The following PARD3B variants were observed in gnomAD, a reference collection of about 807,000 sequenced individuals.
PARD3B encodes par-3 family cell polarity regulator beta, also known as partitioning defective 3 homolog B.
Under a neutral mutation model 130.2 loss-of-function variants are expected in PARD3B, and 103 were observed. That is an observed-to-expected ratio of 0.79 (90% CI 0.67 to 0.93). PARD3B has a LOEUF of 0.93. PARD3B is among the 40% of genes least tolerant of loss of function. The pLI is 0.00. For missense variants in PARD3B, 1,609 were observed against 1,499.2 expected (o/e 1.07, Z -1.21); for synonymous variants, 583 against 553.2 (o/e 1.05, Z -0.76).
In PARD3B at chr2:204,985,014, C is replaced by T. The variant is rs568337764; in HGVS notation, c.394+19691C>T. ...AGCTCTCACAAAATCTTCTCTACCA[C>T]GTTTGGCACGTCTAATAATGATTAT... On this transcript the variant is annotated intron_variant, in intron 3 of 22. Coordinates refer to ENST00000406610, the MANE Select transcript of PARD3B (RefSeq NM_001302769.2). Among the ~76,000 whole-genome samples, 6 of 151,850 alleles carry T rather than the reference C, an allele frequency of 4.0e-5. No individual in the cohort carries two copies. In the South Asian group the frequency reaches 1.0e-3, roughly 26 times the overall value.
intron 1 of PARD3B, among the ~76,000 whole-genome samples, chr2:204,684,438 A>G (rs1372469804): frequency 1.3e-5 from 2 of 152,232 alleles, no homozygotes; most frequent in African/African-American, 2.4e-5. Context: ...CAAGGAATAA[A>G]TAATACTTAA....
intron 2 of PARD3B, among the ~76,000 whole-genome samples, chr2:204,703,535 C>G (rs146652996): frequency 6.6e-6 from 1 of 152,170 alleles, no homozygotes; most frequent in Non-Finnish European, 1.5e-5. Context: ...TGTAGAGTTG[C>G]CATGCATTAT....
chr2:205,163,246 G>A lies in PARD3B; in HGVS notation c.1620+4339G>A, dbSNP rs572129120. Reference sequence around the variant, plus strand: ...AAATTTACAGGAATTTTTGCTAAAGGAAGAATGTCGTATATCAGGTAGATT... The same window carrying A: ...AAATTTACAGGAATTTTTGCTAAAGAAAGAATGTCGTATATCAGGTAGATT... On this transcript the variant is annotated intron_variant, in intron 11 of 22. Transcript: ENST00000406610. 2.0e-5 allele frequency among the ~76,000 whole-genome samples: 3 copies of A among 152,208 alleles called. No individual in the cohort carries two copies. The South Asian group carries it at 6.2e-4, about 32-fold the overall frequency.
intron 2 of PARD3B, among the ~76,000 whole-genome samples, chr2:204,936,316 G>GT (rs542801157): frequency 5.7e-4 from 87 of 152,158 alleles, no homozygotes; most frequent in African/African-American, 2.0e-3. Context: ...GGATTCTTCA[G>GT]TTTTTTTTCA....
At chr2:204,909,574 TGTGAACCTAAAA>T (rs2047159720) in intron 2 of PARD3B, among the ~76,000 whole-genome samples, 2 of 152,216 alleles carry the variant, frequency 1.3e-5, no homozygotes, top group African/African-American at 4.8e-5. Flanking sequence ...TTCTTAGCTC[TGTGAACCTAAAA>T]GTGTTCTACT....
At chr2:205,296,852 T>C (rs2041814043) in intron 16 of PARD3B, among the ~76,000 whole-genome samples, 1 of 151,534 alleles carries the variant, frequency 6.6e-6, no homozygotes, top group Admixed American at 6.6e-5. Flanking sequence ...AGATGGAATC[T>C]TTAAAAGCGC....
intron 2 of PARD3B, among the ~76,000 whole-genome samples, chr2:204,913,136 A>G (rs1000311742): frequency 2.0e-5 from 3 of 152,176 alleles, no homozygotes; most frequent in African/African-American, 7.2e-5. Flanking sequence ...CTAATCCCCA[A>G]ATTCTATGTT....
At chr2:205,569,814 T>A (rs1036729090) in intron 22 of PARD3B, among the ~76,000 whole-genome samples, 1 of 152,210 alleles carries the variant, frequency 6.6e-6, no homozygotes, top group Admixed American at 6.5e-5. Context: ...ATTGGGCTTT[T>A]TTCTCAAAAT....
chr2:205,268,761 C>T lies in PARD3B; in HGVS notation c.2185+22939C>T, dbSNP rs1437963143. ...CAATTTGACAGAAGAGACTTCTCAG[C>T]TCTTTGGGGAAAATATTGAAATGCA... On this transcript the variant is annotated intron_variant, in intron 16 of 22. Transcript: ENST00000406610. This position sits in a 1 kb window ranked among gnomAD's most constrained non-coding sequence, Gnocchi z 4.1. Among the ~76,000 whole-genome samples the T allele has an allele frequency of 6.6e-6, 1 of 152,030 alleles. No homozygotes were observed. The highest frequency in any genetic ancestry group is 6.6e-5 in the Admixed American group (1 of 15,250).
At chr2:205,322,006 A>AAGG (rs2042768311) in intron 18 of PARD3B, among the ~76,000 whole-genome samples, 1 of 152,180 alleles carries the variant, frequency 6.6e-6, no homozygotes, top group Admixed American at 6.5e-5. Flanking sequence ...TGTGCTGCAG[A>AAGG]AGGATCCTTA....
In PARD3B at chr2:205,619,258, C is replaced by T. The variant is rs554026845; in HGVS notation, c.*3445C>T. The T allele has an allele frequency of 6.6e-6, 1 of 152,262 alleles. No homozygotes were observed. The highest frequency in any genetic ancestry group is 2.4e-5 in the African/African-American group (1 of 41,554). 9.4% of individuals were successfully genotyped at this position (152,262 alleles called of 1,614,324 possible). On this transcript the variant is annotated 3_prime_UTR_variant, in exon 23 of 23. Transcript: ENST00000406610. ...TCCCTGGTATGCACAAATATCAAGC[C>T]TATAAAAAAGTAATTATTTCCCCAA...
At chr2:204,839,677 G>A (rs995717876) in intron 2 of PARD3B, among the ~76,000 whole-genome samples, 13 of 152,040 alleles carry the variant, frequency 8.6e-5, no homozygotes, top group Non-Finnish European at 1.3e-4. Flanking sequence ...GTGTGCATTT[G>A]ACAACAAATG....
At chr2:205,601,612 T>C (rs993094113) in intron 22 of PARD3B, among the ~76,000 whole-genome samples, 7 of 152,228 alleles carry the variant, frequency 4.6e-5, no homozygotes, top group African/African-American at 1.7e-4. Context: ...GATTTTCTTC[T>C]AGGGTTTTTA....
intron 11 of PARD3B, among the ~76,000 whole-genome samples, chr2:205,171,941 G>A (rs886556948): frequency 2.6e-5 from 4 of 152,112 alleles, no homozygotes; most frequent in Non-Finnish European, 5.9e-5. Context: ...AAAGATTTAG[G>A]TAAGAGGCAT....
chr2:204,992,800 T>G (rs1693842921), intron 3 of PARD3B, among the ~76,000 whole-genome samples: 1 of 144,988 alleles, frequency 6.9e-6, no homozygotes, highest in Non-Finnish European at 1.5e-5. Flanking sequence ...TCCCATCCCT[T>G]GTAAGTTGGA....
At chr2:205,054,436 ATTTTTTTTTTTTTTT>A (rs769918623) in intron 4 of PARD3B, among the ~76,000 whole-genome samples, 7 of 28,432 alleles carry the variant, frequency 2.5e-4, no homozygotes, top group South Asian at 2.8e-3. Context: ...ATATATATAT[ATTTTTTTTTTTTTTT>A]TTTTTTAATT....
Position 205,036,984 on chromosome 2 carries a change from A to C in PARD3B, c.395-10597A>C, listed in dbSNP as rs552422341. On this transcript the variant is annotated intron_variant, in intron 3 of 22. Coordinates refer to ENST00000406610, the MANE Select transcript of PARD3B (RefSeq NM_001302769.2). ...TATATAGCGGACTGTATATATAAAAAACATATATAGCGGACTGTATATATA... is the reference window on the plus strand; with the variant it reads ...TATATAGCGGACTGTATATATAAAACACATATATAGCGGACTGTATATATA... Among the ~76,000 whole-genome samples the C allele has an allele frequency of 1.9e-4, 29 of 150,646 alleles. 1 individual carries two copies. Among genetic ancestry groups the C allele is most frequent in the African/African-American group, 6.5e-4 (27 of 41,246 alleles).
chr2:205,306,930 C>T (rs2042206095), intron 18 of PARD3B, among the ~76,000 whole-genome samples: 1 of 152,140 alleles, frequency 6.6e-6, no homozygotes, highest in Non-Finnish European at 1.5e-5. Flanking sequence ...CTTTAAGGTT[C>T]TCTTGGAGTT....
At chr2:205,333,156 T>C in intron 18 of PARD3B, among the ~76,000 whole-genome samples, 1 of 152,002 alleles carries the variant, frequency 6.6e-6, no homozygotes, top group East Asian at 1.9e-4. Context: ...ACTGAATCTG[T>C]TGGGTAGGTG....
Sources: allele counts gnomAD v4.1 joint callset (sites outside exome capture counted in the v4.1 genomes callset), GRCh38; gene constraint gnomAD v4.1.1; non-coding constraint Gnocchi (gnomAD v3.1); transcripts MANE v1.5; gene names NCBI Gene and HGNC (gene_info 2026-07-23, HGNC 2026-07-21).